Variants in RPS6KA3 observed in about 807,000 individuals in gnomAD.
RPS6KA3 encodes ribosomal protein S6 kinase alpha-3.
RPS6KA3 carries 4 observed loss-of-function variants against 67.2 expected under a neutral mutation model. That is an observed-to-expected ratio of 0.06 (90% CI 0.03 to 0.14). The LOEUF (loss-of-function observed/expected upper bound fraction) is 0.14, where lower values mean the gene tolerates loss of function less well. Ranked by LOEUF, RPS6KA3 falls within the 10% of genes least tolerant of loss-of-function variation. The pLI, the probability that RPS6KA3 is intolerant of heterozygous loss-of-function variation, is 1.00. For synonymous variants in RPS6KA3, 182 were observed against 183.7 expected, an observed-to-expected ratio of 0.99 and a Z score of 0.07; for missense variants, 204 against 559.0, an observed-to-expected ratio of 0.36 and a Z score of 6.40.
intron 20 of RPS6KA3, among the ~76,000 whole-genome samples, chrX:20,159,127 A>AT (rs902106117): frequency 8.9e-6 from 1 of 112,275 alleles, no homozygotes; most frequent in African/African-American, 3.2e-5. Flanking sequence ...CTTATGTATA[A>AT]TAAACCATCA....
At chrX:20,248,638 A>G (rs1327328874) in intron 1 of RPS6KA3, among the ~76,000 whole-genome samples, 3 of 111,331 alleles carry the variant, frequency 2.7e-5, no homozygotes, top group African/African-American at 9.8e-5. Flanking sequence ...GCCCTCCACC[A>G]TGCCCAGCTA....
chrX:20,263,107 CATT>C (rs2070278686), intron 1 of RPS6KA3, among the ~76,000 whole-genome samples: 1 of 112,194 alleles, frequency 8.9e-6, no homozygotes, highest in Admixed American at 9.4e-5. Flanking sequence ...GTATACAACA[CATT>C]ATATTGTGGC....
At chrX:20,241,796 C>CA (rs2069558713) in intron 1 of RPS6KA3, 1 of 111,844 alleles carries the variant, frequency 8.9e-6, no homozygotes, top group Non-Finnish European at 1.9e-5. Flanking sequence ...TTGAAGTAAT[C>CA]ACTTACAGAG....
chrX:20,200,171 A>G (rs2068388900), intron 4 of RPS6KA3, among the ~76,000 whole-genome samples: 1 of 112,662 alleles, frequency 8.9e-6, no homozygotes, highest in South Asian at 3.6e-4. Flanking sequence ...AGCTGTAACA[A>G]TGAAAACATT....
At chrX:20,237,384 A>C (rs950796785) in intron 1 of RPS6KA3, among the ~76,000 whole-genome samples, 2 of 111,804 alleles carry the variant, frequency 1.8e-5, no homozygotes, top group Middle Eastern at 4.2e-3. Flanking sequence ...CATAGGAATA[A>C]AATTTAAGAA....
In RPS6KA3 at chrX:20,167,995, A is replaced by G. The variant is rs111842784; in HGVS notation, c.1444-248T>C. 0.04 allele frequency among the ~76,000 whole-genome samples: 4,442 copies of G among 111,929 alleles called. 225 individuals carry two copies. The highest frequency in any genetic ancestry group is 0.14 in the African/African-American group (4,158 of 30,741). On this transcript the variant is annotated intron_variant, in intron 16 of 21. Coordinates refer to ENST00000379565, the MANE Select transcript of RPS6KA3 (RefSeq NM_004586.3). ...CTCAAGTAGCTGGGACTATAGGCGCATGCCACCACACCTGGCTAATTTTTG... is the reference window on the plus strand; with the variant it reads ...CTCAAGTAGCTGGGACTATAGGCGCGTGCCACCACACCTGGCTAATTTTTG...
intron 3 of RPS6KA3, among the ~76,000 whole-genome samples, chrX:20,208,606 T>C (rs2068632114): frequency 9.1e-6 from 1 of 110,397 alleles, no homozygotes; most frequent in Non-Finnish European, 1.9e-5. Context: ...TGGTCCCAGC[T>C]ACTCAGGAGG....
chrX:20,234,833 G>T lies in RPS6KA3; in HGVS notation c.70-19C>A, dbSNP rs372554425. On this transcript the variant is annotated intron_variant, in intron 1 of 21. Transcript: ENST00000379565. Reference sequence around the variant, plus strand: ...GTCCATTCTGTGAAAAGCACAGCAAGCAGGAAGTTACCAAAACAGACCTCA... The same window carrying T: ...GTCCATTCTGTGAAAAGCACAGCAATCAGGAAGTTACCAAAACAGACCTCA... 6.9e-6 allele frequency: 8 copies of T among 1,167,170 alleles called. No individual in the cohort carries two copies. The Admixed American group carries it at 1.8e-4, about 26-fold the overall frequency.
At chrX:20,258,011 A>G (rs1002530408) in intron 1 of RPS6KA3, among the ~76,000 whole-genome samples, 2 of 112,182 alleles carry the variant, frequency 1.8e-5, no homozygotes, top group Non-Finnish European at 3.8e-5. Context: ...CATAATTTGA[A>G]AAAGCATGTT....
intron 15 of RPS6KA3, among the ~76,000 whole-genome samples, chrX:20,172,202 A>C (rs910928002): frequency 2.7e-5 from 3 of 112,560 alleles, no homozygotes; most frequent in African/African-American, 9.7e-5. Flanking sequence ...TTGTTCACTT[A>C]CGACTAAAGG....
At chrX:20,234,325 A>G (rs755783660) in intron 2 of RPS6KA3, among the ~76,000 whole-genome samples, 11 of 111,129 alleles carry the variant, frequency 9.9e-5, no homozygotes, top group Admixed American at 8.6e-4. Context: ...AAATTCAAAA[A>G]TTAGCCAGGT....
intron 3 of RPS6KA3, among the ~76,000 whole-genome samples, chrX:20,204,525 G>C (rs987336610): frequency 8.9e-6 from 1 of 112,198 alleles, no homozygotes; most frequent in Non-Finnish European, 1.9e-5. Context: ...ATTTCCTGTT[G>C]ATACAAGTAT....
chrX:20,260,991 A>G (rs1341021247), intron 1 of RPS6KA3, among the ~76,000 whole-genome samples: 1 of 112,106 alleles, frequency 8.9e-6, no homozygotes, highest in Admixed American at 9.5e-5. Flanking sequence ...AATGAGCAAA[A>G]ACCAAATTAC....
At chrX:20,194,133 C>G in intron 6 of RPS6KA3, 56 bp downstream of exon 6, 1 of 740,751 alleles carries the variant, frequency 1.3e-6, no homozygotes, top group Non-Finnish European at 2.1e-6. Context: ...CATAACAAAG[C>G]TTTAGTTCAA....
At chrX:20,183,661 T>C (rs552150136) in intron 10 of RPS6KA3, among the ~76,000 whole-genome samples, 2 of 112,321 alleles carry the variant, frequency 1.8e-5, no homozygotes, top group South Asian at 7.3e-4. Flanking sequence ...TAGTTACTGT[T>C]ATAATAAGAC....
At chrX:20,260,509 G>A in intron 1 of RPS6KA3, among the ~76,000 whole-genome samples, 1 of 111,310 alleles carries the variant, frequency 9.0e-6, no homozygotes, top group Middle Eastern at 4.6e-3. Context: ...AATGCAAAAA[G>A]GGTAAGATTA....
At chrX:20,193,877 T>C (rs2068204351) in intron 6 of RPS6KA3, among the ~76,000 whole-genome samples, 1 of 112,305 alleles carries the variant, frequency 8.9e-6, no homozygotes, top group African/African-American at 3.2e-5. Flanking sequence ...ATTTTAGAAA[T>C]GAAAAGTGAT....
chrX:20,184,141 C>G (rs1290219205), intron 10 of RPS6KA3, among the ~76,000 whole-genome samples: 1 of 111,415 alleles, frequency 9.0e-6, no homozygotes, highest in Non-Finnish European at 1.9e-5. Context: ...CTCCGCCTCC[C>G]GGGTTCAAGT....
chrX:20,205,703 G>A (rs1656226987), intron 3 of RPS6KA3, among the ~76,000 whole-genome samples: 1 of 111,881 alleles, frequency 8.9e-6, no homozygotes, highest in African/African-American at 3.3e-5. Context: ...GGTAATCAGA[G>A]ATTATTAATA....
Sources: gnomAD v4.1 joint callset for allele counts (sites outside exome capture counted in the v4.1 genomes callset) on GRCh38, gnomAD v4.1.1 for gene constraint, MANE v1.5 for transcripts, NCBI Gene and HGNC (gene_info 2026-07-23, HGNC 2026-07-21) for gene names.